CNPY1: variants seen among roughly 807,000 people sequenced by gnomAD.
CNPY1 encodes the protein canopy FGF signaling regulator 1.
CNPY1 carries 14 observed loss-of-function variants against 14.4 expected under a neutral mutation model. The ratio of observed to expected loss-of-function variants is 0.97; its 90% CI spans 0.64 to 1.52. The LOEUF (loss-of-function observed/expected upper bound fraction) is 1.52. Ranked by LOEUF, CNPY1 falls within the 40% of genes most tolerant of loss-of-function variation. CNPY1 has a pLI of 0.00. For synonymous variants in CNPY1, 43 were observed against 46.5 expected, an observed-to-expected ratio of 0.92 and a Z score of 0.31; for missense variants, 129 against 131.5, an observed-to-expected ratio of 0.98 and a Z score of 0.09.
In CNPY1 at chr7:155,507,965, C is replaced by T. The variant is rs145576232; in HGVS notation, c.304-849G>A. 2.6e-3 allele frequency among the ~76,000 whole-genome samples: 390 copies of T among 152,280 alleles called. 2 individuals are homozygous for T. The highest frequency in any genetic ancestry group is 8.9e-3 in the African/African-American group (371 of 41,560). The stretch of plus-strand genomic sequence containing the variant: ...TCGACTCTAATGTGCCTATTTAAAA[C>T]CTGTGAAATACAAACACACGTATTC... On this transcript the variant is annotated intron_variant, in intron 3 of 4. Coordinates refer to ENST00000636446, the MANE Select transcript of CNPY1 (RefSeq NM_001393663.1).
At chr7:155,515,306 C>CG (rs1410626400) in intron 2 of CNPY1, among the ~76,000 whole-genome samples, 1 of 144,842 alleles carries the variant, frequency 6.9e-6, no homozygotes, top group Non-Finnish European at 1.5e-5. Flanking sequence ...CCCCCCCCCC[C>CG]CCGGCCCCGG....
intron 2 of CNPY1, among the ~76,000 whole-genome samples, chr7:155,538,640 G>A (rs1049252041): frequency 4.6e-5 from 7 of 152,216 alleles, no homozygotes; most frequent in African/African-American, 1.7e-4. Flanking sequence ...GGCGTTAGAG[G>A]CCCTCCTGAC....
At chr7:155,525,462 C>A (rs1251458365) in intron 2 of CNPY1, among the ~76,000 whole-genome samples, 1 of 142,318 alleles carries the variant, frequency 7.0e-6, no homozygotes, top group African/African-American at 2.4e-5. Flanking sequence ...AGCCACCACA[C>A]CCAGCTCATC....
rs539424485 is a variant in CNPY1, at chr7:155,536,684, G to A, written c.99+9147C>T. 1.3e-5 allele frequency among the ~76,000 whole-genome samples: 2 copies of A among 152,278 alleles called. No individual in the cohort carries two copies. Among genetic ancestry groups the A allele is most frequent in the East Asian group, 3.9e-4 (2 of 5,168 alleles). On this transcript the variant is annotated intron_variant, in intron 2 of 4. Transcript: ENST00000636446. This position sits in a 1 kb window ranked among gnomAD's most constrained non-coding sequence, Gnocchi z 4.1. Reference sequence around the variant, plus strand: ...TGGATGAACAGGACTCGGGCTTGGAGGAGGAGGAGCCACAAGACAGAAGGG... The same window carrying A: ...TGGATGAACAGGACTCGGGCTTGGAAGAGGAGGAGCCACAAGACAGAAGGG...
At chr7:155,504,689 AACACACAC>A (rs61377945) in intron 4 of CNPY1, among the ~76,000 whole-genome samples, 15,240 of 145,234 alleles carry the variant, frequency 0.1, 775 homozygotes, top group South Asian at 0.13. Context: ...CATACCCCCC[AACACACAC>A]ACACACACAC....
At chr7:155,528,092 C>T (rs944132744) in intron 2 of CNPY1, among the ~76,000 whole-genome samples, 2 of 152,188 alleles carry the variant, frequency 1.3e-5, no homozygotes, top group South Asian at 2.1e-4. Flanking sequence ...AGAACACATA[C>T]GCCCAGTCTC....
intron 2 of CNPY1, among the ~76,000 whole-genome samples, chr7:155,528,872 A>G (rs905451200): frequency 2.6e-5 from 4 of 152,168 alleles, no homozygotes; most frequent in Admixed American, 6.5e-5. Flanking sequence ...CATCCTGGCT[A>G]ACATGATGAA....
chr7:155,518,000 G>A (rs565327048), intron 2 of CNPY1, among the ~76,000 whole-genome samples: 7 of 152,344 alleles, frequency 4.6e-5, no homozygotes, highest in Admixed American at 1.3e-4. Flanking sequence ...GTGAGGAGCA[G>A]GAGGAGGGAC....
intron 3 of CNPY1, among the ~76,000 whole-genome samples, chr7:155,507,713 A>G (rs567582952): frequency 1.1e-4 from 17 of 150,764 alleles, no homozygotes; most frequent in Non-Finnish European, 2.2e-4. Flanking sequence ...CACTTCACTT[A>G]AAAAAAAATA....
chr7:155,520,283 G>C (rs1167348298), intron 2 of CNPY1, among the ~76,000 whole-genome samples: 1 of 152,164 alleles, frequency 6.6e-6, no homozygotes, highest in Non-Finnish European at 1.5e-5. Flanking sequence ...TCCACTTGGA[G>C]GCGAGAGCCC....
intron 2 of CNPY1, among the ~76,000 whole-genome samples, chr7:155,521,992 G>A (rs1796734344): frequency 6.6e-6 from 1 of 152,224 alleles, no homozygotes; most frequent in African/African-American, 2.4e-5. Context: ...TCCTTTCTCT[G>A]GAGGCCAACA....
At chr7:155,504,541 T>A (rs938744780) in intron 4 of CNPY1, among the ~76,000 whole-genome samples, 5 of 152,212 alleles carry the variant, frequency 3.3e-5, no homozygotes, top group Admixed American at 1.3e-4. Context: ...AACTAAAGTT[T>A]CAATAAAACC....
chr7:155,535,847 G>A (rs994306418), intron 2 of CNPY1, among the ~76,000 whole-genome samples: 16 of 152,174 alleles, frequency 1.1e-4, no homozygotes, highest in African/African-American at 3.6e-4. Context: ...ACTTCTCACC[G>A]ATTCTGCTGT....
chr7:155,522,062 C>T (rs1796736089), intron 2 of CNPY1, among the ~76,000 whole-genome samples: 1 of 152,254 alleles, frequency 6.6e-6, no homozygotes. Flanking sequence ...CACGCACGTG[C>T]ACACACGTGC....
At chr7:155,540,321 G>C (rs1797069981) in intron 2 of CNPY1, among the ~76,000 whole-genome samples, 1 of 152,106 alleles carries the variant, frequency 6.6e-6, no homozygotes, top group African/African-American at 2.4e-5. Context: ...CTGGGGTCTC[G>C]TTCTCCTCAT....
intron 2 of CNPY1, among the ~76,000 whole-genome samples, chr7:155,541,117 C>A (rs1797079151): frequency 6.6e-6 from 1 of 152,330 alleles, no homozygotes; most frequent in Admixed American, 6.5e-5. Flanking sequence ...GGTGGTCTCC[C>A]ACCTGTCCCC....
At chr7:155,521,828 G>A (rs1434437923) in intron 2 of CNPY1, among the ~76,000 whole-genome samples, 3 of 152,218 alleles carry the variant, frequency 2.0e-5, no homozygotes, top group Non-Finnish European at 4.4e-5. Context: ...TATGGACTAT[G>A]TTTAGAGAAG....
chr7:155,532,289 C>T (rs1796949886), intron 2 of CNPY1, among the ~76,000 whole-genome samples: 1 of 152,162 alleles, frequency 6.6e-6, no homozygotes, highest in Admixed American at 6.5e-5. Flanking sequence ...CTGCCTTTCC[C>T]AACTGTTCTT....
chr7:155,516,393 T>C (rs1267641070), intron 2 of CNPY1, among the ~76,000 whole-genome samples: 1 of 152,194 alleles, frequency 6.6e-6, no homozygotes, highest in Non-Finnish European at 1.5e-5. Flanking sequence ...TGGGAGAGGA[T>C]GAGAGTTTTT....
Sources: gnomAD v4.1 joint callset for allele counts (sites outside exome capture counted in the v4.1 genomes callset) on GRCh38, gnomAD v4.1.1 for gene constraint, Gnocchi (gnomAD v3.1) non-coding constraint, MANE v1.5 for transcripts, NCBI Gene and HGNC (gene_info 2026-07-23, HGNC 2026-07-21) for gene names.